The following YPEL5 variants were observed in gnomAD, a reference collection of about 807,000 sequenced individuals.
YPEL5 encodes yippee like 5, also known as protein yippee-like 5.
YPEL5 carries 1 observed loss-of-function variant against 10.5 expected under a neutral mutation model. The observed-to-expected ratio is 0.10, with a 90% CI of 0.03 to 0.45. YPEL5 has a LOEUF of 0.45. Ranked by LOEUF, YPEL5 falls within the 20% of genes least tolerant of loss-of-function variation. The pLI, the probability that YPEL5 is intolerant of heterozygous loss-of-function variation, is 0.97. For synonymous variants in YPEL5, 61 were observed against 56.6 expected (o/e 1.08, Z -0.35); for missense variants, 68 against 159.3 (o/e 0.43, Z 3.09).
At chr2:30,155,232 C>T (rs1262336710) in intron 1 of YPEL5, among the ~76,000 whole-genome samples, 1 of 152,228 alleles carries the variant, frequency 6.6e-6, no homozygotes, top group Non-Finnish European at 1.5e-5. Flanking sequence ...TTACTAGCTG[C>T]ACATTGTCAT....
rs374978220 is a variant in YPEL5, at chr2:30,156,865, C to T, written c.141+73C>T. On this transcript the variant is annotated intron_variant, in intron 2 of 2. Transcript: ENST00000261353. ...TGACAGCAACACCAGAATACCCCCTCAGAGCTTAGAGATACCAGGAAGAGT... is the reference window on the plus strand; with the variant it reads ...TGACAGCAACACCAGAATACCCCCTTAGAGCTTAGAGATACCAGGAAGAGT... 190 of 1,547,596 alleles carry T rather than the reference C, an allele frequency of 1.2e-4. No individual in the cohort carries two copies. The South Asian group carries it at 2.0e-3, about 16-fold the overall frequency.
chr2:30,158,610 C>T lies in YPEL5; in HGVS notation c.142-9C>T, dbSNP rs750952387. 9.9e-6 allele frequency: 16 copies of T among 1,611,856 alleles called. No individual in the cohort carries two copies. In the Admixed American group the frequency reaches 2.2e-4, roughly 22 times the overall value. On this transcript the variant is annotated splice_polypyrimidine_tract_variant and intron_variant, in intron 2 of 2. Transcript: ENST00000261353. ...CCTTGCAATTTTGATTTTCCTTGTC[C>T]CTTGTTAGGTAGTTAACCTGCAGTA... is the stretch of plus-strand genomic sequence containing the variant.
At chr2:30,153,140 A>T (rs1200957742) in intron 1 of YPEL5, among the ~76,000 whole-genome samples, 1 of 152,074 alleles carries the variant, frequency 6.6e-6, no homozygotes, top group Non-Finnish European at 1.5e-5. Flanking sequence ...TGACGTCGTG[A>T]TCCGCCCACC....
chr2:30,150,528 A>C (rs1040209322), intron 1 of YPEL5, among the ~76,000 whole-genome samples: 1 of 152,190 alleles, frequency 6.6e-6, no homozygotes, highest in Non-Finnish European at 1.5e-5. Flanking sequence ...GAGAGAGGAG[A>C]GAGCAGCTGG....
intron 2 of YPEL5, among the ~76,000 whole-genome samples, chr2:30,157,175 C>T (rs1006069720): frequency 6.6e-6 from 1 of 151,718 alleles, no homozygotes; most frequent in Non-Finnish European, 1.5e-5. Flanking sequence ...CCCAGCTACT[C>T]GGGAGGCTGA....
rs1022871231 is a variant in YPEL5, at chr2:30,157,721, C to T, written c.142-898C>T. Reference sequence around the variant, plus strand: ...AACATAGCTAGTCTAGGGTACTGTTCTTAGAAGATCAGATGAACTTCCCCA... The same window carrying T: ...AACATAGCTAGTCTAGGGTACTGTTTTTAGAAGATCAGATGAACTTCCCCA... On this transcript the variant is annotated intron_variant, in intron 2 of 2. Transcript: ENST00000261353. Among the ~76,000 whole-genome samples, 3 of 152,342 alleles carry T rather than the reference C, an allele frequency of 2.0e-5. No homozygotes were observed. The East Asian group carries it at 5.8e-4, about 29-fold the overall frequency.
chr2:30,157,384 G>T (rs1367156454), intron 2 of YPEL5, among the ~76,000 whole-genome samples: 2 of 152,124 alleles, frequency 1.3e-5, no homozygotes, highest in Non-Finnish European at 2.9e-5. Flanking sequence ...GGAAGGAACA[G>T]GTCAAGATAC....
intron 1 of YPEL5, among the ~76,000 whole-genome samples, chr2:30,155,162 T>C (rs1675987567): frequency 6.6e-6 from 1 of 152,246 alleles, no homozygotes; most frequent in Non-Finnish European, 1.5e-5. Context: ...ATATTATAGC[T>C]TAAGTCTGTG....
intron 1 of YPEL5, chr2:30,156,261 A>G (rs1355421857): frequency 2.2e-5 from 4 of 180,720 alleles, no homozygotes; most frequent in Non-Finnish European, 4.7e-5. Context: ...TATACTTAAC[A>G]TTTATGCTAA....
chr2:30,149,861 A>C (rs187441822), intron 1 of YPEL5, among the ~76,000 whole-genome samples: 1 of 152,226 alleles, frequency 6.6e-6, no homozygotes, highest in Non-Finnish European at 1.5e-5. Context: ...TGTGTATTCT[A>C]TGGAAATGCC....
At position 30,160,163 on chromosome 2, in the gene YPEL5, G is replaced by A. The variant is rs144221219; in HGVS notation, c.*1320G>A. 2 of 152,590 alleles carry A rather than the reference G, an allele frequency of 1.3e-5. No homozygotes were observed. The highest frequency in any genetic ancestry group is 2.4e-5 in the African/African-American group (1 of 41,464). The allele number at this position is 152,590 out of a possible 1,614,324, so 9.5% of individuals were successfully genotyped here. A position where few individuals can be genotyped will look rare whatever the true frequency, so the allele number is the denominator to read the frequency against. ...AAATTGGCTAATTATTTGAATGAAT[G>A]AATGGATGGATGTTTTGCATGCTCA... On this transcript the variant is annotated 3_prime_UTR_variant, in exon 3 of 3. Transcript: ENST00000261353.
chr2:30,153,842 T>C (rs1023392800), intron 1 of YPEL5, among the ~76,000 whole-genome samples: 4 of 152,184 alleles, frequency 2.6e-5, no homozygotes, highest in Admixed American at 6.5e-5. Flanking sequence ...AATCATATAA[T>C]TGAATCCAGT....
intron 1 of YPEL5, chr2:30,148,199 G>A (rs1675598779): frequency 6.6e-6 from 1 of 152,216 alleles, no homozygotes; most frequent in Non-Finnish European, 1.5e-5. Context: ...GGGAGAGTCT[G>A]GGAAGCTGTA....
intron 1 of YPEL5, chr2:30,156,373 A>G (rs577017452): frequency 9.8e-4 from 334 of 341,870 alleles, no homozygotes; most frequent in Non-Finnish European, 1.5e-3. Context: ...AAGTGACACT[A>G]TTCTTTGGCC....
rs138392260 is a variant in YPEL5 at position 30,156,678 on chromosome 2, C to T, written c.27C>T (p.Ile9=). Residue 9 remains isoleucine, a synonymous_variant, in exon 2 of 3, where the codon ATC becomes ATT. Transcript: ENST00000261353. The part of the protein sequence containing the change: MGRIFLDH[I]GGTRLFSCAN... ...TGGGCAGAATTTTCCTTGATCATAT[C>T]GGTGGTACCCGTCTGTTTTCTTGTG... 37 of 1,614,032 alleles carry T rather than the reference C, an allele frequency of 2.3e-5. No individual in the cohort carries two copies. Among genetic ancestry groups the T allele is most frequent in the Admixed American group, 6.7e-5 (4 of 59,994 alleles).
chr2:30,157,514 C>T lies in YPEL5; in HGVS notation c.141+722C>T, dbSNP rs114805031. Among the ~76,000 whole-genome samples, 646 of 152,288 alleles carry T rather than the reference C, an allele frequency of 4.2e-3. 4 individuals carry two copies. The highest frequency in any genetic ancestry group is 0.014 in the African/African-American group (579 of 41,542). On this transcript the variant is annotated intron_variant, in intron 2 of 2. Transcript: ENST00000261353. ...CCAACTTTTCATGCTCTAATTCATG[C>T]TCACCAATCATCCTTCCATGGATTT...
chr2:30,156,786 T>C lies in YPEL5; in HGVS notation c.135T>C (p.Phe45=). 6.2e-7 allele frequency: 1 copy of C among 1,614,116 alleles called. No individual in the cohort carries two copies. The highest frequency in any genetic ancestry group is 8.5e-7 in the Non-Finnish European group (1 of 1,180,008). ...FTGATGRAFL[F]NKVVNLQYSE... is the part of the protein sequence containing the mutation. ...GCGCCACTGGCAGAGCATTTCTTTT[T>C]AACAAGGTTAGTGAGAAAAAGTTTG... The change falls in exon 2 of 3, where the codon TTT becomes TTC. Residue 45 remains phenylalanine, a synonymous_variant. Transcript: ENST00000261353.
intron 1 of YPEL5, among the ~76,000 whole-genome samples, chr2:30,153,573 A>G (rs146242332): frequency 6.6e-6 from 1 of 152,288 alleles, no homozygotes; most frequent in African/African-American, 2.4e-5. Context: ...TGTTAGGTTG[A>G]GTTTCTAACC....
At chr2:30,154,176 C>G (rs1311871039) in intron 1 of YPEL5, among the ~76,000 whole-genome samples, 1 of 152,202 alleles carries the variant, frequency 6.6e-6, no homozygotes, top group Non-Finnish European at 1.5e-5. Context: ...TTACAAATGA[C>G]TGCACAAATA....
Sources: allele counts gnomAD v4.1 joint callset (sites outside exome capture counted in the v4.1 genomes callset), GRCh38; gene constraint gnomAD v4.1.1; transcripts MANE v1.5; gene names NCBI Gene and HGNC (gene_info 2026-07-23, HGNC 2026-07-21).